PTN: variants seen among roughly 807,000 people sequenced by gnomAD.
The protein encoded by PTN is pleiotrophin.
PTN carries 18 observed loss-of-function variants against 24.1 expected under a neutral mutation model. The ratio of observed to expected loss-of-function variants is 0.75; its 90% CI spans 0.52 to 1.11. PTN has a LOEUF of 1.11. PTN is among the 50% of genes least tolerant of loss of function. The probability of loss-of-function intolerance (pLI) is 0.00; values close to 1 mark genes in which losing one functional copy is unlikely to be tolerated. For missense variants in PTN, 163 were observed against 198.8 expected, an observed-to-expected ratio of 0.82 and a Z score of 1.08; for synonymous variants, 78 against 68.6, an observed-to-expected ratio of 1.14 and a Z score of -0.67.
At chr7:137,245,626 C>T (rs1402980460) in intron 4 of PTN, among the ~76,000 whole-genome samples, 1 of 151,680 alleles carries the variant, frequency 6.6e-6, no homozygotes, top group East Asian at 1.9e-4. Context: ...AAAAAGTTAA[C>T]TGTAAAACAG....
chr7:137,298,572 T>G (rs1335891393), intron 1 of PTN, among the ~76,000 whole-genome samples: 1 of 151,994 alleles, frequency 6.6e-6, no homozygotes, highest in African/African-American at 2.4e-5. Flanking sequence ...ACACTCTTGG[T>G]GGCTCAGCAC....
At chr7:137,296,210 G>A (rs1809716170) in intron 1 of PTN, among the ~76,000 whole-genome samples, 1 of 151,976 alleles carries the variant, frequency 6.6e-6, no homozygotes, top group Non-Finnish European at 1.5e-5. Flanking sequence ...AAACATATGT[G>A]AAATTATCTG....
intron 4 of PTN, among the ~76,000 whole-genome samples, chr7:137,235,012 T>C (rs1056975057): frequency 1.3e-5 from 2 of 152,004 alleles, no homozygotes; most frequent in Admixed American, 6.6e-5. Flanking sequence ...CTAAAATCAT[T>C]CAGAAATGCA....
intron 1 of PTN, among the ~76,000 whole-genome samples, chr7:137,262,729 G>C (rs760400934): frequency 6.6e-6 from 1 of 152,324 alleles, no homozygotes; most frequent in Non-Finnish European, 1.5e-5. Flanking sequence ...GGGGCTGTGA[G>C]CACCGATGGA....
At chr7:137,296,141 G>T (rs1394158153) in intron 1 of PTN, among the ~76,000 whole-genome samples, 2 of 151,982 alleles carry the variant, frequency 1.3e-5, no homozygotes, top group African/African-American at 4.8e-5. Context: ...ATCTCTTTAA[G>T]TATAAGTACT....
Position 137,254,947 on chromosome 7 carries a change from C to G in PTN, c.27G>C (p.Gln9His), listed in dbSNP as rs1296446408. Residue 9 changes from glutamine to histidine, a missense_variant, in exon 2 of 5, where the codon CAG becomes CAC. Gln to His is a conservative substitution (Grantham distance 24, BLOSUM62 0). Coordinates refer to ENST00000348225, the MANE Select transcript of PTN (RefSeq NM_002825.7). MQAQQYQQ[Q>H]RRKFAAAFLA... ...AGAAGGCAGCTGCAAATTTTCGACG[C>G]TGCTGCTGGTACTGTTGAGCCTGCA... 3 of 1,575,542 alleles carry G rather than the reference C, an allele frequency of 1.9e-6. No individual in the cohort carries two copies. The East Asian group carries it at 6.8e-5, about 35-fold the overall frequency.
chr7:137,239,792 T>C (rs1200920969), intron 4 of PTN, among the ~76,000 whole-genome samples: 2 of 152,176 alleles, frequency 1.3e-5, no homozygotes, highest in African/African-American at 2.4e-5. Context: ...AGTTGTAGTA[T>C]ACGAAGAGTT....
At chr7:137,299,822 G>C (rs552468684) in intron 1 of PTN, among the ~76,000 whole-genome samples, 1 of 151,802 alleles carries the variant, frequency 6.6e-6, no homozygotes, top group African/African-American at 2.4e-5. Flanking sequence ...TGACTCTTTT[G>C]CCAGAGACCC....
intron 4 of PTN, among the ~76,000 whole-genome samples, chr7:137,229,712 AG>A (rs1808396223): frequency 6.6e-6 from 1 of 151,788 alleles, no homozygotes; most frequent in South Asian, 2.1e-4. Flanking sequence ...TCTATACTAA[AG>A]AAATTTAACT....
At chr7:137,306,999 C>T (rs545808563) in intron 1 of PTN, among the ~76,000 whole-genome samples, 2 of 152,114 alleles carry the variant, frequency 1.3e-5, no homozygotes, top group South Asian at 4.1e-4. Flanking sequence ...GGTTTGAGGT[C>T]TACTAGCAAC....
intron 1 of PTN, among the ~76,000 whole-genome samples, chr7:137,277,289 G>A (rs1271588401): frequency 1.3e-5 from 2 of 152,068 alleles, no homozygotes; most frequent in Non-Finnish European, 2.9e-5. Context: ...GCAAAAATGT[G>A]GAACTTTAAC....
At chr7:137,314,927 T>C (rs1181895902) in intron 1 of PTN, among the ~76,000 whole-genome samples, 2 of 152,142 alleles carry the variant, frequency 1.3e-5, no homozygotes, top group African/African-American at 4.8e-5. Context: ...CTCCTCCATG[T>C]TTTATTTCAG....
At chr7:137,330,989 T>G (rs1179414949) in intron 1 of PTN, among the ~76,000 whole-genome samples, 51 of 152,334 alleles carry the variant, frequency 3.3e-4, no homozygotes, top group Non-Finnish European at 1.5e-5. Context: ...GAATTTTATG[T>G]GAGGTCTGAA....
chr7:137,238,626 T>C (rs1375838982), intron 4 of PTN, among the ~76,000 whole-genome samples: 1 of 152,172 alleles, frequency 6.6e-6, no homozygotes, highest in African/African-American at 2.4e-5. Flanking sequence ...ACTGGTACAA[T>C]GGAAAAGAAC....
chr7:137,243,898 G>T (rs373434067), intron 4 of PTN, among the ~76,000 whole-genome samples: 1 of 152,062 alleles, frequency 6.6e-6, no homozygotes, highest in African/African-American at 2.4e-5. Flanking sequence ...TATTTCTCCC[G>T]GATCTGTTGA....
At chr7:137,237,123 G>C (rs1808536666) in intron 4 of PTN, among the ~76,000 whole-genome samples, 1 of 152,132 alleles carries the variant, frequency 6.6e-6, no homozygotes, top group African/African-American at 2.4e-5. Flanking sequence ...ATCTCAGAGT[G>C]AGAACATATT....
chr7:137,337,500 C>A (rs1194735519), intron 1 of PTN, among the ~76,000 whole-genome samples: 1 of 151,924 alleles, frequency 6.6e-6, no homozygotes, highest in African/African-American at 2.4e-5. Flanking sequence ...TAAAAACAGG[C>A]CTTATAGCTA....
At chr7:137,336,069 A>T (rs778100946) in intron 1 of PTN, among the ~76,000 whole-genome samples, 5 of 152,072 alleles carry the variant, frequency 3.3e-5, no homozygotes, top group Non-Finnish European at 7.4e-5. Context: ...TGACAATGAC[A>T]ATAGCAGGAT....
chr7:137,271,047 T>C (rs1809263891), intron 1 of PTN, among the ~76,000 whole-genome samples: 1 of 152,208 alleles, frequency 6.6e-6, no homozygotes, highest in Admixed American at 6.5e-5. Context: ...TTTCTCCTGA[T>C]TGATATTGTT....
Sources: allele counts gnomAD v4.1 joint callset (sites outside exome capture counted in the v4.1 genomes callset), GRCh38; gene constraint gnomAD v4.1.1; transcripts MANE v1.5; gene names NCBI Gene and HGNC (gene_info 2026-07-23, HGNC 2026-07-21).